Variants in COL18A1 observed in about 807,000 individuals in gnomAD.
The protein encoded by COL18A1 is collagen type XVIII alpha 1 chain, also known as collagen alpha-1(XVIII) chain.
Under a neutral mutation model 168.0 loss-of-function variants are expected in COL18A1, and 133 were observed. That is an observed-to-expected ratio of 0.79 (90% CI 0.69 to 0.91). The LOEUF (loss-of-function observed/expected upper bound fraction) is 0.91. Ranked by LOEUF, COL18A1 falls within the 40% of genes least tolerant of loss-of-function variation. The pLI is 0.00. For synonymous variants in COL18A1, 949 were observed against 809.0 expected, an observed-to-expected ratio of 1.17 and a Z score of -2.94; for missense variants, 2,126 against 1,925.4, an observed-to-expected ratio of 1.10 and a Z score of -1.95.
At chr21:45,454,871 G>T (rs1411223180) in intron 2 of COL18A1, among the ~76,000 whole-genome samples, 2 of 152,216 alleles carry the variant, frequency 1.3e-5, no homozygotes, top group Non-Finnish European at 2.9e-5. Context: ...TCTCTGCTGG[G>T]TCTCCTGGGC....
Position 45,465,748 on chromosome 21 carries a change from C to T in COL18A1, c.107-2494C>T, listed in dbSNP as rs77667380. 4.4e-3 allele frequency among the ~76,000 whole-genome samples: 666 copies of T among 152,028 alleles called. 7 individuals are homozygous for T. Among genetic ancestry groups the T allele is most frequent in the African/African-American group, 0.016 (643 of 41,316 alleles). ...AGCAGAGACTCCAGGCCCTGTGCCC[C>T]GAGGAGTCAGGCTGGGCTGGTTCTG... On this transcript the variant is annotated intron_variant, in intron 2 of 41. Transcript: ENST00000651438.
At chr21:45,477,058 G>A (rs1195191733) in intron 6 of COL18A1, among the ~76,000 whole-genome samples, 2 of 151,992 alleles carry the variant, frequency 1.3e-5, no homozygotes, top group Non-Finnish European at 2.9e-5. Context: ...TTTATTTTAA[G>A]TAAAAGTTAA....
At chr21:45,504,147 C>A (rs886225874) in intron 33 of COL18A1, 93 bp downstream of exon 33, 3 of 1,434,652 alleles carry the variant, frequency 2.1e-6, no homozygotes, top group Non-Finnish European at 9.8e-7. Context: ...CCGGCCCAAG[C>A]CCCCTTCCTG....
At chr21:45,411,416 C>A (rs573476040) in intron 2 of COL18A1, among the ~76,000 whole-genome samples, 1 of 152,228 alleles carries the variant, frequency 6.6e-6, no homozygotes, top group East Asian at 1.9e-4. Flanking sequence ...GTCCACCCGG[C>A]CTTTGATTCC....
chr21:45,418,672 G>A (rs1250847890), intron 2 of COL18A1, among the ~76,000 whole-genome samples: 2 of 152,144 alleles, frequency 1.3e-5, no homozygotes, highest in African/African-American at 4.8e-5. Context: ...CTCTTCCTGG[G>A]GTCTCAGGGA....
rs556634610 is a variant in COL18A1, at chr21:45,463,253, C to G, written c.107-4989C>G. 6.6e-6 allele frequency among the ~76,000 whole-genome samples: 1 copy of G among 152,212 alleles called. No homozygotes were observed. Among genetic ancestry groups the G allele is most frequent in the Non-Finnish European group, 1.5e-5 (1 of 68,036 alleles). ...GCAACCTGATCAGAGCACAGGTTCT[C>G]GATGTCTGCAGGACAGGGTCCTTTT... On this transcript the variant is annotated intron_variant, in intron 2 of 41. Coordinates refer to ENST00000651438, the MANE Select transcript of COL18A1 (RefSeq NM_001379500.1). This position sits in a 1 kb window ranked among gnomAD's most constrained non-coding sequence, Gnocchi z 4.0.
At chr21:45,431,471 A>G (rs1357645263) in intron 2 of COL18A1, among the ~76,000 whole-genome samples, 1 of 73,400 alleles carries the variant, frequency 1.4e-5, no homozygotes, top group Non-Finnish European at 2.3e-5. Flanking sequence ...GGCAGGCAGG[A>G]CCCGGCGGCC....
chr21:45,449,083 C>A (rs558913944), intron 2 of COL18A1, among the ~76,000 whole-genome samples: 2 of 152,206 alleles, frequency 1.3e-5, no homozygotes, highest in African/African-American at 2.4e-5. Context: ...CTTTTCCCTG[C>A]GGCGCTTTGA....
At chr21:45,490,466 G>C (rs75951662) in intron 20 of COL18A1, 120 bp downstream of exon 20, 54 of 660,240 alleles carry the variant, frequency 8.2e-5, no homozygotes, top group Non-Finnish European at 1.1e-4. Context: ...ATGTGCCCTC[G>C]TGGGTCCCTG....
chr21:45,490,374 C>T, intron 20 of COL18A1, 28 bp downstream of exon 20: 4 of 1,529,634 alleles, frequency 2.6e-6, no homozygotes, highest in Non-Finnish European at 3.5e-6. Flanking sequence ...GCCCAGGGTG[C>T]AGGGGGGGCG....
rs560216957 is a variant in COL18A1, at chr21:45,418,007, C to T, written c.106+12534C>T. 1.7e-4 allele frequency among the ~76,000 whole-genome samples: 26 copies of T among 152,366 alleles called. No homozygotes were observed. In the East Asian group the frequency reaches 2.3e-3, roughly 14 times the overall value. On this transcript the variant is annotated intron_variant, in intron 2 of 41. Coordinates refer to ENST00000651438, the MANE Select transcript of COL18A1 (RefSeq NM_001379500.1). The stretch of plus-strand genomic sequence containing the variant: ...GCCTTGGCATGGCCAGTCCTGCTGC[C>T]GCAGGAACCGAGAAGGGCAGGTGCC...
In COL18A1 at chr21:45,476,626, G is replaced by A. The variant is rs563375776; in HGVS notation, c.928+146G>A. On this transcript the variant is annotated intron_variant, in intron 6 of 41. Coordinates refer to ENST00000651438, the MANE Select transcript of COL18A1 (RefSeq NM_001379500.1). Reference sequence around the variant, plus strand: ...GGTACATGTGTGTGTGATATGGCACGTGTTTGTGTGAAATATATGGCAGGT... The same window carrying A: ...GGTACATGTGTGTGTGATATGGCACATGTTTGTGTGAAATATATGGCAGGT... 681 of 1,037,888 alleles carry A rather than the reference G, an allele frequency of 6.6e-4. 9 individuals are homozygous for A. The South Asian group carries it at 8.8e-3, about 13-fold the overall frequency. 64.3% of individuals were successfully genotyped at this position (1,037,888 alleles called of 1,614,324 possible). A position where few individuals can be genotyped will look rare whatever the true frequency, so the allele number is the denominator to read the frequency against.
At chr21:45,447,833 C>T (rs2034536187) in intron 2 of COL18A1, among the ~76,000 whole-genome samples, 2 of 152,136 alleles carry the variant, frequency 1.3e-5, no homozygotes, top group Admixed American at 1.3e-4. Flanking sequence ...CCTCAGTGAA[C>T]TTTATCACAT....
chr21:45,485,209 C>T (rs1396921178), intron 15 of COL18A1, among the ~76,000 whole-genome samples: 1 of 138,730 alleles, frequency 7.2e-6, no homozygotes, highest in Non-Finnish European at 1.5e-5. Flanking sequence ...TCATGATGGC[C>T]AGGCTGGTCT....
intron 2 of COL18A1, among the ~76,000 whole-genome samples, chr21:45,464,262 T>C (rs1008065776): frequency 6.6e-6 from 1 of 151,916 alleles, no homozygotes; most frequent in Non-Finnish European, 1.5e-5. Context: ...CTTCCCAGGA[T>C]GGGATTTTGG....
intron 32 of COL18A1, among the ~76,000 whole-genome samples, chr21:45,499,558 C>CCCAGGAACAGTGGGGTCAGAGGCTCCCTT (rs1568932443): frequency 1.9e-4 from 8 of 41,146 alleles, no homozygotes; most frequent in African/African-American, 8.0e-4. Flanking sequence ...GAGGCTCCCT[C>CCCAGGAACAGTGGGGTCAGAGGCTCCCTT]GGGAACCCGC....
intron 15 of COL18A1, among the ~76,000 whole-genome samples, chr21:45,483,274 G>T (rs1568912441): frequency 6.6e-6 from 1 of 152,180 alleles, no homozygotes; most frequent in South Asian, 2.1e-4. Context: ...CGTCCCGCAG[G>T]CTCATGAGCA....
At chr21:45,467,914 C>T (rs962727462) in intron 2 of COL18A1, among the ~76,000 whole-genome samples, 1 of 152,242 alleles carries the variant, frequency 6.6e-6, no homozygotes, top group African/African-American at 2.4e-5. Context: ...CCTGTGGACA[C>T]CATGTCTGCT....
intron 2 of COL18A1, among the ~76,000 whole-genome samples, chr21:45,418,567 G>T (rs2033516456): frequency 6.6e-6 from 1 of 152,074 alleles, no homozygotes; most frequent in African/African-American, 2.4e-5. Context: ...CTGAGCCTCG[G>T]GGTGCTCACC....
Sources: allele counts gnomAD v4.1 joint callset (sites outside exome capture counted in the v4.1 genomes callset), GRCh38; gene constraint gnomAD v4.1.1; non-coding constraint Gnocchi (gnomAD v3.1); transcripts MANE v1.5; gene names NCBI Gene and HGNC (gene_info 2026-07-23, HGNC 2026-07-21).